The following SULT1A1 variants were observed in gnomAD, a reference collection of about 807,000 sequenced individuals.
SULT1A1 encodes the protein sulfotransferase family 1A member 1, also known as sulfotransferase 1A1.
A neutral mutation model predicts 36.8 loss-of-function variants in SULT1A1; 35 were observed. The ratio of observed to expected loss-of-function variants is 0.95; its 90% CI spans 0.73 to 1.26. SULT1A1 has a LOEUF of 1.26. Among genes scored for constraint, SULT1A1 ranks in the 50% most tolerant of loss-of-function variants. The probability of loss-of-function intolerance (pLI) is 0.00; values close to 1 mark genes in which losing one functional copy is unlikely to be tolerated. For synonymous variants in SULT1A1, 119 were observed against 146.0 expected (o/e 0.82, Z 1.33); for missense variants, 309 against 383.0 (o/e 0.81, Z 1.61).
chr16:28,618,414 C>T (rs1158006262), intron 2 of SULT1A1, among the ~76,000 whole-genome samples: 6 of 129,706 alleles, frequency 4.6e-5, no homozygotes, highest in East Asian at 5.2e-4. Context: ...GGCGTGATAT[C>T]GGCTTAGTGC....
intron 2 of SULT1A1, among the ~76,000 whole-genome samples, chr16:28,615,725 A>C (rs2047527951): frequency 6.6e-6 from 1 of 152,178 alleles, no homozygotes; most frequent in Non-Finnish European, 1.5e-5. Context: ...TATTTATTGG[A>C]TACAAGGCTG....
At chr16:28,610,223 AG>A (rs71389556), upstream of SULT1A1, 2 of 1,272,940 alleles carry the variant, frequency 1.6e-6, no homozygotes, top group African/African-American at 3.1e-5. Context: ...GAAAGGGGAA[AG>A]GCCCAATGGT....
intron 2 of SULT1A1, among the ~76,000 whole-genome samples, chr16:28,619,352 A>C (rs2047606240): frequency 6.6e-6 from 1 of 152,066 alleles, no homozygotes; most frequent in South Asian, 2.1e-4. Flanking sequence ...AAGTATAGAC[A>C]CTCTTAAAGC....
intron 2 of SULT1A1, among the ~76,000 whole-genome samples, chr16:28,616,664 C>T (rs1490901149): frequency 6.6e-6 from 1 of 152,104 alleles, no homozygotes; most frequent in African/African-American, 2.4e-5. Context: ...CTCAAGGGAT[C>T]CTCTCGCCTC....
chr16:28,620,115 C>T, exon 2 of SULT1A1: 9 of 1,613,124 alleles, frequency 5.6e-6, no homozygotes, highest in Non-Finnish European at 7.6e-6. Flanking sequence ...GTCATCCTTT[C>T]CCTGGAGAAT....
chr16:28,608,134 C>G, intron 4 of SULT1A1, 157 bp downstream of exon 4: 1 of 1,109,466 alleles, frequency 9.0e-7, no homozygotes, highest in Non-Finnish European at 1.3e-6. Context: ...ATTACAGGCA[C>G]CCGCCACCAC....
chr16:28,608,166 T>C (rs557525831), intron 4 of SULT1A1, 125 bp downstream of exon 4: 1 of 1,361,814 alleles, frequency 7.3e-7, no homozygotes, highest in Non-Finnish European at 1.0e-6. Context: ...TTTGTATTTT[T>C]AGTAGAGACA....
intron 1 of SULT1A1, 37 bp downstream of exon 1, chr16:28,609,894 G>A (rs1454975215): frequency 3.2e-6 from 4 of 1,267,938 alleles, no homozygotes; most frequent in Non-Finnish European, 3.1e-6. Context: ...GCTGAGCAGG[G>A]TGAGGGCGCC....
At chr16:28,615,771 G>T (rs1361852986) in intron 2 of SULT1A1, among the ~76,000 whole-genome samples, 1 of 152,246 alleles carries the variant, frequency 6.6e-6, no homozygotes, top group African/African-American at 2.4e-5. Context: ...CACCTCCAAT[G>T]ATAGGTAAGG....
Position 28,607,074 on chromosome 16 carries a change from CCACCTG to C in SULT1A1, c.373-3_375del. 1 of 1,612,294 alleles carries C rather than the reference CCACCTG, an allele frequency of 6.2e-7. No homozygotes were observed. The highest frequency in any genetic ancestry group is 8.5e-7 in the Non-Finnish European group (1 of 1,178,554). On this transcript the variant is annotated splice_acceptor_variant and splice_polypyrimidine_tract_variant and coding_sequence_variant and intron_variant, in exon 5 of 8. Coordinates refer to ENST00000314752, the MANE Select transcript of SULT1A1 (RefSeq NM_001055.4). LOFTEE classifies it high-confidence loss of function. ...TCCTTTGCGTTGCGGGCAACATAGA[CCACCTG>C]CAGGGGCAGAAGACTCAACCCCAGC...
rs537294714 is a variant in SULT1A1, at chr16:28,609,417, C to T, written c.-5+514G>A. 4.6e-4 allele frequency: 591 copies of T among 1,278,420 alleles called. 1 individual carries two copies. The highest frequency in any genetic ancestry group is 2.2e-3 in the South Asian group (180 of 80,558). The allele number at this position is 1,278,420 out of a possible 1,614,324, so 79.2% of individuals were successfully genotyped here. On this transcript the variant is annotated intron_variant, in intron 1 of 7. Transcript: ENST00000314752. ...AAACACGGCCCATTGAGGAACTGAG[C>T]TGCTACTAGGGGCCAGAGCTGCTGT...
chr16:28,619,971 T>A lies in SULT1A1; in HGVS notation c.138+92A>T, dbSNP rs528915279. On this transcript the variant is annotated intron_variant, in intron 2 of 5. Transcript: ENST00000350842. The stretch of plus-strand genomic sequence containing the variant: ...TACACAAAAAGTTACTGATTGTATA[T>A]GTATATATATTGTATTGTATATTGT... The A allele has an allele frequency of 6.6e-5, 74 of 1,127,532 alleles. No homozygotes were observed. In the Middle Eastern group the frequency reaches 1.2e-3, roughly 18 times the overall value. The allele number at this position is 1,127,532 out of a possible 1,614,324, so 69.8% of individuals were successfully genotyped here.
At chr16:28,623,150 C>A in exon 1 of SULT1A1, 1 of 1,541,690 alleles carries the variant, frequency 6.5e-7, no homozygotes, top group East Asian at 2.5e-5. Flanking sequence ...AGGCCGAGAC[C>A]GCGATGGGCG....
chr16:28,607,426 T>TCTG, intron 4 of SULT1A1: 2 of 259,878 alleles, frequency 7.7e-6, no homozygotes, highest in South Asian at 5.7e-5. Flanking sequence ...GAGTCTTACG[T>TCTG]TCTTGGTCAT....
Position 28,605,639 on chromosome 16 carries a change from A to T in SULT1A1, c.*182T>A. On this transcript the variant is annotated 3_prime_UTR_variant, in exon 8 of 8. Coordinates refer to ENST00000314752, the MANE Select transcript of SULT1A1 (RefSeq NM_001055.4). ...TATTTTATTTTTTTAACAGAATCTC[A>T]CTATGTTGCCCAGGTTGGTCTCGAA... is the stretch of plus-strand genomic sequence containing the variant. The T allele has an allele frequency of 1.1e-6, 1 of 947,710 alleles. No individual in the cohort carries two copies. The highest frequency in any genetic ancestry group is 1.6e-6 in the Non-Finnish European group (1 of 624,568). The allele number at this position is 947,710 out of a possible 1,614,324, so 58.7% of individuals were successfully genotyped here. A position where few individuals can be genotyped will look rare whatever the true frequency, so the allele number is the denominator to read the frequency against.
intron 2 of SULT1A1, among the ~76,000 whole-genome samples, chr16:28,618,042 C>CTTT (rs11357624): frequency 1.1e-3 from 155 of 139,490 alleles, no homozygotes; most frequent in African/African-American, 3.6e-3. Context: ...ACTTCCTGCT[C>CTTT]TTTTTTTTTT....
chr16:28,606,867 G>A lies in SULT1A1; in HGVS notation c.500-12C>T, dbSNP rs754289699. ...GGATCCGTAGGACACTGGAGAAGCA[G>A]GCAAGGGGTGCCAACACAGGGTTGC... On this transcript the variant is annotated splice_polypyrimidine_tract_variant and intron_variant, in intron 5 of 7. Coordinates refer to ENST00000314752, the MANE Select transcript of SULT1A1 (RefSeq NM_001055.4). 5.0e-6 allele frequency: 8 copies of A among 1,612,386 alleles called. No homozygotes were observed. The highest frequency in any genetic ancestry group is 2.7e-5 in the African/African-American group (2 of 74,868).
chr16:28,610,511 A>G (rs534843203), upstream of SULT1A1: 13 of 314,344 alleles, frequency 4.1e-5, no homozygotes, highest in African/African-American at 2.2e-4. Flanking sequence ...CCAGCAGCCC[A>G]TGCACTCCAG....
chr16:28,608,077 TC>T, intron 4 of SULT1A1: 1 of 669,594 alleles, frequency 1.5e-6, no homozygotes, highest in Non-Finnish European at 2.4e-6. Context: ...AACCTCCTTC[TC>T]CCGGGTTCAA....
Sources: allele counts gnomAD v4.1 joint callset (sites outside exome capture counted in the v4.1 genomes callset), GRCh38; gene constraint gnomAD v4.1.1; transcripts MANE v1.5; gene names NCBI Gene and HGNC (gene_info 2026-07-23, HGNC 2026-07-21).